Variants in CYRIB observed in about 807,000 individuals in gnomAD.
CYRIB encodes CYFIP related Rac1 interactor B, also known as CYFIP-related Rac1 interactor B.
Under a neutral mutation model 44.2 loss-of-function variants are expected in CYRIB, and 8 were observed. That is an observed-to-expected ratio of 0.18 (90% CI 0.11 to 0.33). The LOEUF is 0.33. Ranked by LOEUF, CYRIB falls within the 10% of genes least tolerant of loss-of-function variation. The pLI is 1.00. For missense variants in CYRIB, 185 were observed against 382.8 expected, an observed-to-expected ratio of 0.48 and a Z score of 4.31; for synonymous variants, 131 against 127.2, an observed-to-expected ratio of 1.03 and a Z score of -0.20.
intron 7 of CYRIB, 68 bp from the exon 10 acceptor site, chr8:129,852,346 G>A (rs2043732385): frequency 6.3e-6 from 6 of 945,550 alleles, no homozygotes; most frequent in Non-Finnish European, 9.0e-6. Flanking sequence ...ATTATACAAG[G>A]ACCCAGGCAG....
At chr8:129,939,369 C>T (rs2093394551) in intron 1 of CYRIB, among the ~76,000 whole-genome samples, 1 of 143,484 alleles carries the variant, frequency 7.0e-6, no homozygotes, top group Admixed American at 7.0e-5. Context: ...AGGAAGGGGG[C>T]GGAAGAAAGG....
At chr8:129,940,669 C>T (rs1188786626), upstream of CYRIB, among the ~76,000 whole-genome samples, 6 of 152,088 alleles carry the variant, frequency 3.9e-5, no homozygotes, top group Admixed American at 6.5e-5. Context: ...TGTTATAAAG[C>T]TGAATTTTTT....
At chr8:129,942,032 CT>C (rs1390476320), upstream of CYRIB, among the ~76,000 whole-genome samples, 2 of 152,154 alleles carry the variant, frequency 1.3e-5, no homozygotes, top group African/African-American at 4.8e-5. Context: ...AAGCAGTCCA[CT>C]GAGAAGTGAT....
intron 1 of CYRIB, among the ~76,000 whole-genome samples, chr8:129,936,059 A>C (rs2092735765): frequency 6.6e-6 from 1 of 152,252 alleles, no homozygotes; most frequent in Non-Finnish European, 1.5e-5. Context: ...AGGAGAGTAC[A>C]GAACAAGTGA....
intron 1 of CYRIB, among the ~76,000 whole-genome samples, chr8:129,979,158 T>A (rs34112957): frequency 0.29 from 42,851 of 150,344 alleles, 6,479 homozygotes; most frequent in East Asian, 0.38. Flanking sequence ...ATAAATAAAT[T>A]AATTAATTAA....
chr8:129,980,867 C>G (rs543852248), intron 1 of CYRIB, among the ~76,000 whole-genome samples: 7 of 151,762 alleles, frequency 4.6e-5, no homozygotes, highest in Admixed American at 3.9e-4. Context: ...ACCTGTGGTT[C>G]CAGCTACTCG....
At chr8:129,886,892 T>C (rs1431822900) in intron 2 of CYRIB, among the ~76,000 whole-genome samples, 1 of 152,162 alleles carries the variant, frequency 6.6e-6, no homozygotes, top group African/African-American at 2.4e-5. Context: ...AGCCTCCTCC[T>C]ACAATCTCTT....
chr8:129,900,178 T>C (rs1258294487), intron 2 of CYRIB, among the ~76,000 whole-genome samples: 1 of 152,098 alleles, frequency 6.6e-6, no homozygotes, highest in Non-Finnish European at 1.5e-5. Flanking sequence ...CCTGGTGACT[T>C]GGACAAAGCA....
chr8:129,978,780 G>A (rs2132553182), intron 1 of CYRIB, among the ~76,000 whole-genome samples: 1 of 152,244 alleles, frequency 6.6e-6, no homozygotes, highest in South Asian at 2.1e-4. Flanking sequence ...GTGCTAACCA[G>A]CTAAGTGCGT....
rs371909136 is a variant in CYRIB at position 129,884,418 on chromosome 8, A to T, written c.-10-4947T>A. 9.2e-5 allele frequency among the ~76,000 whole-genome samples: 14 copies of T among 152,084 alleles called. No individual in the cohort carries two copies. In the East Asian group the frequency reaches 2.7e-3, roughly 29 times the overall value. On this transcript the variant is annotated intron_variant, in intron 2 of 11. Transcript: ENST00000519824. ...ATTCTCCTGCCTCAGCCTCCTGAGTAGCTGGGATTACAGGCATGCACCACC... is the reference window on the plus strand; with the variant it reads ...ATTCTCCTGCCTCAGCCTCCTGAGTTGCTGGGATTACAGGCATGCACCACC...
At chr8:129,941,846 A>G (rs562088825), upstream of CYRIB, among the ~76,000 whole-genome samples, 24 of 152,354 alleles carry the variant, frequency 1.6e-4, no homozygotes, top group African/African-American at 4.8e-4. Flanking sequence ...TTCAGCTCCA[A>G]TATCTCCAAC....
chr8:129,841,339 T>C (rs958805786), exon 12 of CYRIB: 1 of 152,260 alleles, frequency 6.6e-6, no homozygotes, highest in Admixed American at 6.5e-5. Context: ...ATGATCAAAA[T>C]TCTAATGAAA....
At chr8:129,896,346 C>T (rs2068034433) in intron 2 of CYRIB, among the ~76,000 whole-genome samples, 1 of 152,132 alleles carries the variant, frequency 6.6e-6, no homozygotes, top group Admixed American at 6.5e-5. Context: ...GTCTTACCTA[C>T]GAAGGGATAA....
At chr8:129,938,578 G>A (rs1279172249) in intron 1 of CYRIB, among the ~76,000 whole-genome samples, 3 of 152,176 alleles carry the variant, frequency 2.0e-5, no homozygotes, top group Non-Finnish European at 2.9e-5. Context: ...GTACTCCAAG[G>A]ATTCAGGCAT....
At chr8:129,917,393 C>A (rs2081280754) in intron 1 of CYRIB, among the ~76,000 whole-genome samples, 1 of 152,168 alleles carries the variant, frequency 6.6e-6, no homozygotes, top group Non-Finnish European at 1.5e-5. Context: ...CACCTCTAAT[C>A]TTTTCTAACT....
chr8:129,951,852 GA>G (rs1335208125), intron 2 of CYRIB, among the ~76,000 whole-genome samples: 1 of 152,040 alleles, frequency 6.6e-6, no homozygotes, highest in Non-Finnish European at 1.5e-5. Context: ...CTTTCTCCAT[GA>G]ACTAGACCTA....
intron 1 of CYRIB, among the ~76,000 whole-genome samples, chr8:129,972,509 C>G (rs910724238): frequency 3.9e-5 from 6 of 152,034 alleles, no homozygotes; most frequent in Non-Finnish European, 8.8e-5. Context: ...CCCAGGAGGT[C>G]GAGGCTGCAG....
chr8:129,928,547 C>G (rs181717129), intron 1 of CYRIB, among the ~76,000 whole-genome samples: 1 of 151,736 alleles, frequency 6.6e-6, no homozygotes, highest in Non-Finnish European at 1.5e-5. Context: ...GTAGTCCCAG[C>G]CCTTTGGGAG....
intron 1 of CYRIB, among the ~76,000 whole-genome samples, chr8:130,009,547 T>C (rs1476921071): frequency 6.6e-6 from 1 of 151,896 alleles, no homozygotes; most frequent in Non-Finnish European, 1.5e-5. Flanking sequence ...GGATTACAGG[T>C]GTGAGCCACT....
Sources: allele counts gnomAD v4.1 joint callset (sites outside exome capture counted in the v4.1 genomes callset), GRCh38; gene constraint gnomAD v4.1.1; transcripts MANE v1.5; gene names NCBI Gene and HGNC (gene_info 2026-07-23, HGNC 2026-07-21).